C1orf94: variants seen among roughly 807,000 people sequenced by gnomAD.
C1orf94 encodes chromosome 1 open reading frame 94.
In C1orf94, 45 loss-of-function variants were observed where a neutral mutation model predicts 53.6. The ratio of observed to expected loss-of-function variants is 0.84; its 90% CI spans 0.66 to 1.08. The LOEUF is 1.08. Among genes scored for constraint, C1orf94 ranks in the 50% least tolerant of loss-of-function variants. The pLI, the probability that C1orf94 is intolerant of heterozygous loss-of-function variation, is 0.00. For missense variants in C1orf94, 762 were observed against 738.9 expected, an observed-to-expected ratio of 1.03 and a Z score of -0.36; for synonymous variants, 304 against 296.1, an observed-to-expected ratio of 1.03 and a Z score of -0.27.
chr1:34,196,827 G>C (rs1642594266), intron 1 of C1orf94, among the ~76,000 whole-genome samples: 1 of 152,298 alleles, frequency 6.6e-6, no homozygotes, highest in Middle Eastern at 3.4e-3. Flanking sequence ...ACTTAGAGCT[G>C]TTGGCTTGCT....
intron 1 of C1orf94, among the ~76,000 whole-genome samples, chr1:34,185,265 C>T (rs1487059936): frequency 6.6e-6 from 1 of 152,102 alleles, no homozygotes; most frequent in Non-Finnish European, 1.5e-5. Context: ...CTGCAACCTC[C>T]ACCTCCCGGG....
chr1:34,172,601 G>A (rs577745467), upstream of C1orf94, among the ~76,000 whole-genome samples: 1 of 152,286 alleles, frequency 6.6e-6, no homozygotes, highest in East Asian at 1.9e-4. Context: ...GCTCTTAACT[G>A]CCTCCTCTCA....
chr1:34,182,719 G>A (rs927947900), intron 1 of C1orf94, among the ~76,000 whole-genome samples: 1 of 152,172 alleles, frequency 6.6e-6, no homozygotes, highest in Non-Finnish European at 1.5e-5. Flanking sequence ...CAAGGATGGG[G>A]GCATGCATCA....
At chr1:34,179,846 T>C (rs997795001) in intron 1 of C1orf94, among the ~76,000 whole-genome samples, 2 of 152,236 alleles carry the variant, frequency 1.3e-5, no homozygotes, top group Non-Finnish European at 2.9e-5. Context: ...GGCTGGTTGC[T>C]GGGCCCCAAA....
chr1:34,169,103 G>A (rs1295401589), intron 1 of C1orf94, among the ~76,000 whole-genome samples: 2 of 145,050 alleles, frequency 1.4e-5, no homozygotes, highest in African/African-American at 5.0e-5. Context: ...AAGTGATGTG[G>A]CCTGACATAT....
Position 34,203,247 on chromosome 1 carries a change from C to T in C1orf94, c.1446+988C>T, listed in dbSNP as rs147086436. ...CTGCATCCCAGGTTGAAGCGATTCT[C>T]CTACCTCAGCCTCCCAAGTAGCTGG... On this transcript the variant is annotated intron_variant, in intron 4 of 6. Transcript: ENST00000488417. 3.8e-3 allele frequency among the ~76,000 whole-genome samples: 573 copies of T among 152,310 alleles called. 1 individual carries two copies. The highest frequency in any genetic ancestry group is 6.4e-3 in the Non-Finnish European group (438 of 68,032).
At chr1:34,203,700 G>A (rs978954386) in intron 4 of C1orf94, among the ~76,000 whole-genome samples, 5 of 152,206 alleles carry the variant, frequency 3.3e-5, no homozygotes, top group African/African-American at 1.2e-4. Context: ...AGACACAAAG[G>A]GACAGTGAAG....
At chr1:34,178,675 GT>G (rs1642267637) in intron 1 of C1orf94, among the ~76,000 whole-genome samples, 1 of 152,232 alleles carries the variant, frequency 6.6e-6, no homozygotes, top group Admixed American at 6.5e-5. Flanking sequence ...TAAATAGCCC[GT>G]TTCCGGGATG....
Position 34,177,973 on chromosome 1 carries a change from C to A in C1orf94, c.184C>A (p.Leu62Ile). 2 of 1,551,764 alleles carry A rather than the reference C, an allele frequency of 1.3e-6. No individual in the cohort carries two copies. Among genetic ancestry groups the A allele is most frequent in the Non-Finnish European group, 1.7e-6 (2 of 1,147,012 alleles). The change falls in exon 1 of 7, where the codon CTA becomes ATA. Residue 62 changes from leucine (L) to isoleucine (I), a missense_variant. Transcript: ENST00000488417. ...CCACCAGGACACACCCCAAGACAGC[C>A]TAGACAAGACTTGCCATGAAATCTG... is the stretch of plus-strand genomic sequence containing the variant. ...WIHQDTPQDS[L>I]DKTCHEIWKR...
chr1:34,208,382 G>A (rs935043032), intron 5 of C1orf94, 148 bp downstream of exon 5: 15 of 775,326 alleles, frequency 1.9e-5, no homozygotes, highest in East Asian at 1.4e-4. Flanking sequence ...ACCGGCATGC[G>A]TGTGGAAAAC....
chr1:34,212,073 CTCCAT>C, intron 5 of C1orf94, 132 bp from the exon 6 acceptor site: 1 of 711,584 alleles, frequency 1.4e-6, no homozygotes, highest in Non-Finnish European at 2.2e-6. Flanking sequence ...CCTAGGCTTT[CTCCAT>C]TCCAACATGT....
intron 2 of C1orf94, among the ~76,000 whole-genome samples, chr1:34,199,531 G>T (rs1564276): frequency 6.6e-6 from 1 of 152,250 alleles, no homozygotes; most frequent in Non-Finnish European, 1.5e-5. Context: ...GGGCTAGGGG[G>T]CCAAAAGCTG....
chr1:34,198,103 T>G (rs552296582), intron 2 of C1orf94, among the ~76,000 whole-genome samples, 190 bp downstream of exon 2: 1 of 152,256 alleles, frequency 6.6e-6, no homozygotes, highest in Non-Finnish European at 1.5e-5. Context: ...TGGGTTCCCC[T>G]GTGCAGGGCA....
At chr1:34,194,916 T>C (rs1642555523) in intron 1 of C1orf94, among the ~76,000 whole-genome samples, 1 of 152,210 alleles carries the variant, frequency 6.6e-6, no homozygotes, top group Non-Finnish European at 1.5e-5. Flanking sequence ...GAGACTCACC[T>C]GTTCCTTTTG....
At chr1:34,190,248 C>G (rs913726527) in intron 1 of C1orf94, among the ~76,000 whole-genome samples, 2 of 152,170 alleles carry the variant, frequency 1.3e-5, no homozygotes, top group Non-Finnish European at 2.9e-5. Flanking sequence ...CTAGATTATC[C>G]TGGGAGAAAT....
chr1:34,187,916 C>T (rs1642413451), intron 1 of C1orf94, among the ~76,000 whole-genome samples: 1 of 152,074 alleles, frequency 6.6e-6, no homozygotes, highest in Admixed American at 6.5e-5. Context: ...AAGGCTGTCT[C>T]ACCTGCCCTA....
chr1:34,184,823 T>C (rs1642360942), intron 1 of C1orf94, among the ~76,000 whole-genome samples: 1 of 152,128 alleles, frequency 6.6e-6, no homozygotes, highest in Non-Finnish European at 1.5e-5. Flanking sequence ...TAGCCTCTTT[T>C]GTTTTTTTTG....
At chr1:34,192,483 T>C (rs2148615863) in intron 1 of C1orf94, among the ~76,000 whole-genome samples, 1 of 152,258 alleles carries the variant, frequency 6.6e-6, no homozygotes, top group Non-Finnish European at 1.5e-5. Flanking sequence ...TTGGCATGGG[T>C]AAAGGCAAGT....
intron 2 of C1orf94, among the ~76,000 whole-genome samples, chr1:34,199,454 C>T (rs1642659357): frequency 6.6e-6 from 1 of 152,246 alleles, no homozygotes; most frequent in Admixed American, 6.5e-5. Context: ...GCTAGAGCAG[C>T]TCTTTCCTTT....
Sources: allele counts gnomAD v4.1 joint callset (sites outside exome capture counted in the v4.1 genomes callset), GRCh38; gene constraint gnomAD v4.1.1; transcripts MANE v1.5; gene names NCBI Gene and HGNC (gene_info 2026-07-23, HGNC 2026-07-21).